Variants in MKLN1 observed in about 807,000 individuals in gnomAD.
The protein encoded by MKLN1 is muskelin.
MKLN1 carries 18 observed loss-of-function variants against 99.0 expected under a neutral mutation model. That is an observed-to-expected ratio of 0.18 (90% CI 0.13 to 0.27). The LOEUF is 0.27. MKLN1 is among the 10% of genes least tolerant of loss of function. The pLI is 1.00. For missense variants in MKLN1, 621 were observed against 875.9 expected (o/e 0.71, Z 3.67); for synonymous variants, 288 against 293.2 (o/e 0.98, Z 0.18).
At chr7:131,450,319 A>G (rs751044436) in intron 12 of MKLN1, among the ~76,000 whole-genome samples, 2 of 152,220 alleles carry the variant, frequency 1.3e-5, no homozygotes, top group Non-Finnish European at 2.9e-5. Context: ...TAGGAGTACA[A>G]CTGTGAATGA....
Position 131,443,610 on chromosome 7 carries a change from T to C in MKLN1, c.1303T>C (p.Cys435Arg), listed in dbSNP as rs1245563759. The change falls in exon 11 of 18, where the codon TGT becomes CGT. Residue 435 changes from cysteine (C) to arginine (R), a missense_variant. This residue lies in a region of MKLN1 where 361 missense variants were observed against 540.8 expected (regional missense o/e 0.67). Transcript: ENST00000352689. ...TGGCTTGTTTGCTTTCAACTGTCAA[T>C]GTCAAACCTGGAAACTTCTTCGAGA... ...FSGLFAFNCQ[C>R]QTWKLLREDS... 2 of 1,614,046 alleles carry C rather than the reference T, an allele frequency of 1.2e-6. No homozygotes were observed. The highest frequency in any genetic ancestry group is 1.7e-6 in the Non-Finnish European group (2 of 1,180,002).
At chr7:131,218,174 G>C (rs1200901703) in intron 3 of MKLN1, among the ~76,000 whole-genome samples, 3 of 152,110 alleles carry the variant, frequency 2.0e-5, no homozygotes, top group Non-Finnish European at 4.4e-5. Flanking sequence ...GGAATACAAG[G>C]TCTGAAAAAT....
intron 3 of MKLN1, among the ~76,000 whole-genome samples, chr7:131,258,746 G>A (rs912272371): frequency 3.3e-5 from 5 of 152,004 alleles, no homozygotes; most frequent in African/African-American, 9.7e-5. Flanking sequence ...TCTTTTATGA[G>A]ATCAATTCTA....
intron 3 of MKLN1, among the ~76,000 whole-genome samples, chr7:131,297,219 C>A (rs35548203): frequency 1.3e-5 from 2 of 151,784 alleles, no homozygotes; most frequent in African/African-American, 4.8e-5. Flanking sequence ...AAATTAGCCA[C>A]GTGTGGTGGC....
chr7:131,380,885 A>G (rs1010807468), intron 2 of MKLN1, among the ~76,000 whole-genome samples: 19 of 152,212 alleles, frequency 1.2e-4, no homozygotes, highest in African/African-American at 4.6e-4. Context: ...GGTTATTCAC[A>G]GTAGTTATGT....
rs143220987 is a variant in MKLN1, at chr7:131,208,013, G to T, written c.-179+5039G>T. Among the ~76,000 whole-genome samples the T allele has an allele frequency of 2.6e-3, 399 of 152,284 alleles. 4 individuals are homozygous for T. The highest frequency in any genetic ancestry group is 9.3e-3 in the African/African-American group (385 of 41,560). ...AAGTCCTGGCCAAAAATGGAGGGAG[G>T]GGGGAGATTTCCCAGATGTTTCTTT... is the stretch of plus-strand genomic sequence containing the variant. On this transcript the variant is annotated intron_variant, in intron 3 of 7. Transcript: ENST00000416992.
intron 2 of MKLN1, among the ~76,000 whole-genome samples, chr7:131,195,425 C>T (rs575972444): frequency 2.0e-5 from 3 of 151,758 alleles, no homozygotes; most frequent in South Asian, 2.1e-4. Flanking sequence ...GCAGGAGAAT[C>T]GCTTGAACCT....
chr7:131,252,168 CA>C (rs1295178775), intron 3 of MKLN1, among the ~76,000 whole-genome samples: 1 of 151,976 alleles, frequency 6.6e-6, no homozygotes, highest in Non-Finnish European at 1.5e-5. Context: ...AGCAATAGCC[CA>C]AAAGCCCGGA....
At chr7:131,235,218 C>G (rs1797301868) in intron 3 of MKLN1, among the ~76,000 whole-genome samples, 1 of 152,036 alleles carries the variant, frequency 6.6e-6, no homozygotes, top group Admixed American at 6.6e-5. Flanking sequence ...ATCTCTCTAT[C>G]TCTTTCTCTC....
At chr7:131,125,530 A>G (rs1488966030) in intron 1 of MKLN1, among the ~76,000 whole-genome samples, 1 of 152,216 alleles carries the variant, frequency 6.6e-6, no homozygotes. Context: ...TTGGAAGTGT[A>G]CATTTTTACA....
chr7:131,396,072 A>G (rs941396909), intron 4 of MKLN1, among the ~76,000 whole-genome samples: 2 of 150,474 alleles, frequency 1.3e-5, no homozygotes, highest in Non-Finnish European at 2.9e-5. Context: ...TTGAATATAT[A>G]TATATATTTT....
At chr7:131,451,424 A>G (rs1349946449) in intron 12 of MKLN1, among the ~76,000 whole-genome samples, 3 of 152,182 alleles carry the variant, frequency 2.0e-5, no homozygotes, top group African/African-American at 7.2e-5. Flanking sequence ...TGTTTGAACT[A>G]TTGAGATCAC....
chr7:131,285,705 T>A, intron 3 of MKLN1, among the ~76,000 whole-genome samples: 1 of 152,166 alleles, frequency 6.6e-6, no homozygotes, highest in East Asian at 1.9e-4. Context: ...GTGGTTTGCT[T>A]GGCAACAGCT....
chr7:131,329,835 T>G (rs527397836), intron 1 of MKLN1, among the ~76,000 whole-genome samples: 1 of 152,334 alleles, frequency 6.6e-6, no homozygotes, highest in Admixed American at 6.5e-5. Context: ...AATTTGAGAT[T>G]GGAGAAATAC....
chr7:131,163,100 C>T (rs936164408), intron 2 of MKLN1, among the ~76,000 whole-genome samples: 21 of 152,160 alleles, frequency 1.4e-4, no homozygotes, highest in African/African-American at 3.9e-4. Flanking sequence ...GTGGCTTAAG[C>T]GCAACTCTGT....
chr7:131,382,993 G>A (rs1018035992), intron 2 of MKLN1, among the ~76,000 whole-genome samples: 2 of 152,128 alleles, frequency 1.3e-5, no homozygotes, highest in Non-Finnish European at 2.9e-5. Flanking sequence ...AAAGTTCTGG[G>A]ATTACAGGCA....
At chr7:131,404,132 A>G (rs985622277) in intron 6 of MKLN1, among the ~76,000 whole-genome samples, 9 of 152,032 alleles carry the variant, frequency 5.9e-5, no homozygotes, top group Non-Finnish European at 1.3e-4. Context: ...TTTTGCATAT[A>G]TTTGTGTATG....
At chr7:131,275,434 T>G (rs1211566055) in intron 3 of MKLN1, among the ~76,000 whole-genome samples, 1 of 134,228 alleles carries the variant, frequency 7.5e-6, no homozygotes, top group African/African-American at 2.8e-5. Flanking sequence ...AGTGCCATGA[T>G]CTCGGCTCAC....
At chr7:131,350,378 A>G (rs1799685379) in intron 1 of MKLN1, among the ~76,000 whole-genome samples, 1 of 152,152 alleles carries the variant, frequency 6.6e-6, no homozygotes. Flanking sequence ...CTATTAATCC[A>G]TAACAAATTG....
Sources: allele counts gnomAD v4.1 joint callset (sites outside exome capture counted in the v4.1 genomes callset), GRCh38; gene constraint gnomAD v4.1.1; regional missense constraint gnomAD v4.1.1; transcripts MANE v1.5; gene names NCBI Gene and HGNC (gene_info 2026-07-23, HGNC 2026-07-21).